Variants in SYNPO2 observed in about 807,000 individuals in gnomAD.
SYNPO2 encodes the protein synaptopodin-2.
In SYNPO2, 56 loss-of-function variants were observed where a neutral mutation model predicts 85.0. That is an observed-to-expected ratio of 0.66 (90% CI 0.53 to 0.82). The LOEUF (loss-of-function observed/expected upper bound fraction) is 0.82, where lower values mean the gene tolerates loss of function less well. Among genes scored for constraint, SYNPO2 ranks in the 40% least tolerant of loss-of-function variants. The probability of loss-of-function intolerance (pLI) is 0.00; values close to 1 mark genes in which losing one functional copy is unlikely to be tolerated. For missense variants in SYNPO2, 1,575 were observed against 1,534.2 expected (o/e 1.03, Z -0.44); for synonymous variants, 602 against 591.1 (o/e 1.02, Z -0.27).
Position 118,888,882 on chromosome 4 carries a change from G to A in SYNPO2, c.-155G>A, listed in dbSNP as rs183335398. 61 of 735,482 alleles carry A rather than the reference G, an allele frequency of 8.3e-5. No homozygotes were observed. The highest frequency in any genetic ancestry group is 1.2e-4 in the Non-Finnish European group (51 of 438,120). 45.6% of individuals were successfully genotyped at this position (735,482 alleles called of 1,614,324 possible). ...CAAATTCGCAGCAGGCGGCTGGGGC[G>A]GCGGCTGGGGCAGCGGCTGCAGCAG... On this transcript the variant is annotated 5_prime_UTR_variant, in exon 1 of 5. Transcript: ENST00000307142.
chr4:118,959,058 G>T (rs1368842195), intron 1 of SYNPO2, among the ~76,000 whole-genome samples: 1 of 152,194 alleles, frequency 6.6e-6, no homozygotes, highest in Admixed American at 6.5e-5. Context: ...TCATCAATTA[G>T]TAAAGGCAAC....
intron 4 of SYNPO2, chr4:119,032,726 T>A: frequency 1.1e-6 from 1 of 939,036 alleles, no homozygotes; most frequent in Non-Finnish European, 1.3e-6. Flanking sequence ...AAAACTTATT[T>A]AAAGTAAATG....
chr4:118,890,733 C>CTCTCTCTCTCTCTCTCTG (rs749295331), intron 1 of SYNPO2, among the ~76,000 whole-genome samples: 96 of 126,190 alleles, frequency 7.6e-4, no homozygotes, highest in African/African-American at 1.5e-3. Flanking sequence ...CTCTCTCTCT[C>CTCTCTCTCTCTCTCTCTG]TGTGTGTGTG....
intron 1 of SYNPO2, among the ~76,000 whole-genome samples, chr4:118,930,042 C>G (rs749513700): frequency 1.3e-5 from 2 of 152,036 alleles, no homozygotes; most frequent in African/African-American, 4.8e-5. Flanking sequence ...TAAGAATTTG[C>G]AGATAATCTG....
At chr4:119,022,922 G>A (rs148574154) in intron 1 of SYNPO2, among the ~76,000 whole-genome samples, 2,390 of 151,594 alleles carry the variant, frequency 0.016, 72 homozygotes, top group African/African-American at 0.054. Flanking sequence ...GACTACAGGC[G>A]CACACCACCA....
intron 1 of SYNPO2, among the ~76,000 whole-genome samples, chr4:118,946,965 T>A: frequency 6.6e-6 from 1 of 152,230 alleles, no homozygotes; most frequent in East Asian, 1.9e-4. Flanking sequence ...AACTTATTAG[T>A]TGTGTTGCTT....
intron 1 of SYNPO2, among the ~76,000 whole-genome samples, chr4:118,893,628 T>G (rs6825366): frequency 0.18 from 26,987 of 151,994 alleles, 2,652 homozygotes; most frequent in African/African-American, 0.24. Context: ...TTATTTAAAA[T>G]AAATACCATA....
chr4:118,998,060 G>A (rs377670031), intron 1 of SYNPO2, among the ~76,000 whole-genome samples: 8 of 152,218 alleles, frequency 5.3e-5, no homozygotes, highest in Admixed American at 1.3e-4. Flanking sequence ...TCTGACGGGG[G>A]TGGTAAGGAT....
chr4:118,996,332 C>T (rs1037791690), intron 1 of SYNPO2, among the ~76,000 whole-genome samples: 8 of 152,184 alleles, frequency 5.3e-5, no homozygotes, highest in Non-Finnish European at 8.8e-5. Flanking sequence ...TGATCAGCCA[C>T]CCCCTTCGTC....
intron 1 of SYNPO2, among the ~76,000 whole-genome samples, chr4:118,915,032 C>T (rs1202093250): frequency 6.7e-6 from 1 of 149,136 alleles, no homozygotes; most frequent in African/African-American, 2.5e-5. Flanking sequence ...ACAGAAAAAT[C>T]AATGAATAAG....
At chr4:118,951,555 A>G (rs1734697424) in intron 1 of SYNPO2, among the ~76,000 whole-genome samples, 1 of 152,212 alleles carries the variant, frequency 6.6e-6, no homozygotes, top group Non-Finnish European at 1.5e-5. Flanking sequence ...CCCAAGGGCA[A>G]AAATCTGTAG....
At chr4:118,868,145 A>G (rs1731734689) in intron 1 of SYNPO2, among the ~76,000 whole-genome samples, 1 of 37,174 alleles carries the variant, frequency 2.7e-5, no homozygotes, top group Non-Finnish European at 6.1e-5. Flanking sequence ...GTTGAATTTT[A>G]CATATTAAAA....
intron 1 of SYNPO2, among the ~76,000 whole-genome samples, chr4:118,893,250 G>A (rs898681264): frequency 1.3e-5 from 2 of 152,062 alleles, no homozygotes; most frequent in African/African-American, 4.8e-5. Flanking sequence ...TCCTTATTTT[G>A]GAATTGTATA....
At position 118,889,647 on chromosome 4, in the gene SYNPO2, G is replaced by A. The variant is rs1407377898; in HGVS notation, c.105+506G>A. ...GCAATAATTTTAAAAGTATGATGAA[G>A]TGTCATAAAATCTATTTAAAAGAAT... On this transcript the variant is annotated intron_variant, in intron 1 of 4. Coordinates refer to ENST00000307142, the MANE Select transcript of SYNPO2 (RefSeq NM_133477.3). 3.3e-5 allele frequency among the ~76,000 whole-genome samples: 5 copies of A among 152,262 alleles called. No individual in the cohort carries two copies. The East Asian group carries it at 9.6e-4, about 29-fold the overall frequency.
At position 118,927,752 on chromosome 4, in the gene SYNPO2, TAG is replaced by T. The variant is rs1560874332; in HGVS notation, c.105+38613_105+38614del. 3.4e-3 allele frequency among the ~76,000 whole-genome samples: 484 copies of T among 143,536 alleles called. 7 individuals carry two copies. Among genetic ancestry groups the T allele is most frequent in the African/African-American group, 9.9e-3 (376 of 37,836 alleles). 94.2% of individuals were successfully genotyped at this position (143,536 alleles called of 152,430 possible). Reference sequence around the variant, plus strand: ...GATAGATAGATAGATAGATAGATGATAGATAGATATATAGATAGATAGATGAT... The same window carrying T: ...GATAGATAGATAGATAGATAGATGATATAGATATATAGATAGATAGATGAT... On this transcript the variant is annotated intron_variant, in intron 1 of 4. Transcript: ENST00000307142.
chr4:119,011,079 C>T (rs1011508572), intron 1 of SYNPO2, among the ~76,000 whole-genome samples: 2 of 152,254 alleles, frequency 1.3e-5, no homozygotes, highest in East Asian at 1.9e-4. Context: ...GGCTTTAAAA[C>T]GCATTAACAG....
chr4:118,870,394 G>C (rs1007431893), intron 1 of SYNPO2, among the ~76,000 whole-genome samples: 1 of 152,208 alleles, frequency 6.6e-6, no homozygotes, highest in South Asian at 2.1e-4. Context: ...TCAGGCAGTT[G>C]TTTAAAAAGC....
At chr4:118,861,635 C>T (rs1434292515) in intron 1 of SYNPO2, among the ~76,000 whole-genome samples, 2 of 152,144 alleles carry the variant, frequency 1.3e-5, no homozygotes, top group African/African-American at 2.4e-5. Flanking sequence ...ACACCTTTGT[C>T]GAAAATGAGT....
At chr4:118,928,473 G>GA (rs35936822) in intron 1 of SYNPO2, among the ~76,000 whole-genome samples, 3,967 of 147,794 alleles carry the variant, frequency 0.027, 124 homozygotes, top group African/African-American at 0.078. Flanking sequence ...TCCATGCAAG[G>GA]AAAAAAAAAA....
Sources: gnomAD v4.1 joint callset for allele counts (sites outside exome capture counted in the v4.1 genomes callset) on GRCh38, gnomAD v4.1.1 for gene constraint, MANE v1.5 for transcripts, NCBI Gene and HGNC (gene_info 2026-07-23, HGNC 2026-07-21) for gene names.